CLEC16A: variants seen among roughly 807,000 people sequenced by gnomAD.
CLEC16A encodes the protein C-type lectin domain containing 16A, also known as protein CLEC16A.
A neutral mutation model predicts 109.5 loss-of-function variants in CLEC16A; 51 were observed. The observed-to-expected ratio is 0.47, with a 90% CI of 0.37 to 0.59. The LOEUF (loss-of-function observed/expected upper bound fraction) is 0.59, where lower values mean the gene tolerates loss of function less well. CLEC16A is among the 20% of genes least tolerant of loss of function. The pLI is 0.00. For missense variants in CLEC16A, 1,339 were observed against 1,394.0 expected (o/e 0.96, Z 0.63); for synonymous variants, 673 against 564.2 (o/e 1.19, Z -2.73).
chr16:10,967,052 A>G (rs893910194), intron 3 of CLEC16A, among the ~76,000 whole-genome samples: 23 of 152,256 alleles, frequency 1.5e-4, no homozygotes, highest in Non-Finnish European at 2.9e-4. Flanking sequence ...CTGCCTCAGT[A>G]GTGTTATGAG....
chr16:11,144,530 A>G (rs1006599680), intron 22 of CLEC16A, among the ~76,000 whole-genome samples: 3 of 152,158 alleles, frequency 2.0e-5, no homozygotes, highest in African/African-American at 7.2e-5. Context: ...AACAGTGCCT[A>G]GGTGCCCAGA....
intron 19 of CLEC16A, 147 bp from the exon 20 acceptor site, chr16:11,120,468 G>T: frequency 2.9e-6 from 2 of 688,492 alleles, no homozygotes; most frequent in Non-Finnish European, 4.4e-6. Flanking sequence ...TGTCAGAGAA[G>T]GGACTCAGAC....
In CLEC16A at chr16:11,003,175, C is replaced by T. The variant is rs74163612; in HGVS notation, c.1173C>T (p.Pro391=). Residue 391 remains proline, a synonymous_variant, in exon 11 of 24, where the codon CCC becomes CCT. Transcript: ENST00000409790. ...HKGKRRVQKR[P]NYKNVGEEED... ...GCAAGAGGCGGGTGCAAAAGAGACC[C>T]AACTACAAAAACGTTGGGGAAGAAG... The T allele has an allele frequency of 2.5e-6, 4 of 1,613,290 alleles. No homozygotes were observed. The highest frequency in any genetic ancestry group is 3.4e-6 in the Non-Finnish European group (4 of 1,179,852).
intron 11 of CLEC16A, among the ~76,000 whole-genome samples, chr16:11,016,014 C>G (rs1201162457): frequency 6.6e-6 from 1 of 152,200 alleles, no homozygotes; most frequent in Non-Finnish European, 1.5e-5. Flanking sequence ...TTAGTAAACA[C>G]AAGCAAACCT....
chr16:10,976,631 G>T (rs2043043602), intron 7 of CLEC16A, among the ~76,000 whole-genome samples: 2 of 152,154 alleles, frequency 1.3e-5, no homozygotes, highest in Non-Finnish European at 2.9e-5. Context: ...CTCCTTGGGG[G>T]TGGTGAAAGC....
At chr16:11,171,581 G>C (rs996945612) in intron 23 of CLEC16A, among the ~76,000 whole-genome samples, 4 of 152,202 alleles carry the variant, frequency 2.6e-5, no homozygotes, top group Non-Finnish European at 4.4e-5. Context: ...CCCCTAGTGA[G>C]AAAATTGCAG....
chr16:11,122,538 C>A (rs1270845116), intron 20 of CLEC16A, among the ~76,000 whole-genome samples: 1 of 152,106 alleles, frequency 6.6e-6, no homozygotes, highest in African/African-American at 2.4e-5. Flanking sequence ...ATACCAGACT[C>A]CCTGCTTTAA....
At chr16:11,033,470 C>T (rs1276862209) in intron 13 of CLEC16A, among the ~76,000 whole-genome samples, 2 of 152,236 alleles carry the variant, frequency 1.3e-5, no homozygotes, top group Admixed American at 6.5e-5. Context: ...GAAGCTGCCT[C>T]GTGGGGGAGC....
At chr16:11,109,764 C>T (rs1438915706) in intron 19 of CLEC16A, among the ~76,000 whole-genome samples, 1 of 152,216 alleles carries the variant, frequency 6.6e-6, no homozygotes, top group Non-Finnish European at 1.5e-5. Context: ...GCCTTTCCCT[C>T]AAGGGATCAG....
chr16:11,092,361 A>AACACACAC (rs3030566), intron 19 of CLEC16A, among the ~76,000 whole-genome samples: 6,201 of 132,436 alleles, frequency 0.047, 199 homozygotes, highest in South Asian at 0.084. Flanking sequence ...AACAAAAACA[A>AACACACAC]ACACACACAC....
At chr16:11,084,560 C>T (rs534299055) in intron 19 of CLEC16A, among the ~76,000 whole-genome samples, 63 of 152,284 alleles carry the variant, frequency 4.1e-4, no homozygotes, top group African/African-American at 1.3e-3. Flanking sequence ...GCCTGTAAAC[C>T]TCCTGGTCTG....
chr16:11,149,328 C>A (rs547300483), intron 22 of CLEC16A, among the ~76,000 whole-genome samples: 1 of 152,050 alleles, frequency 6.6e-6, no homozygotes, highest in East Asian at 1.9e-4. Context: ...AATACATGAA[C>A]GTAGAATATT....
intron 19 of CLEC16A, among the ~76,000 whole-genome samples, chr16:11,077,239 G>T (rs1462531827): frequency 2.0e-5 from 3 of 152,212 alleles, no homozygotes; most frequent in African/African-American, 7.2e-5. Context: ...GGAGGCTGAG[G>T]CGAGCGGATT....
At chr16:11,056,318 C>T (rs907238400) in intron 18 of CLEC16A, among the ~76,000 whole-genome samples, 4 of 152,128 alleles carry the variant, frequency 2.6e-5, no homozygotes, top group Non-Finnish European at 4.4e-5. Context: ...CCAGAGTAGA[C>T]GAGTGTGGCT....
At chr16:11,158,030 T>C (rs184140853) in intron 22 of CLEC16A, among the ~76,000 whole-genome samples, 80 of 152,064 alleles carry the variant, frequency 5.3e-4, no homozygotes, top group African/African-American at 1.9e-3. Flanking sequence ...CCAGACTTAG[T>C]CACCTCCCAG....
intron 11 of CLEC16A, among the ~76,000 whole-genome samples, chr16:11,018,838 C>T (rs893711204): frequency 7.3e-5 from 11 of 151,366 alleles, no homozygotes; most frequent in Admixed American, 7.2e-4. Context: ...GCCAGCCAGG[C>T]AGGGATGGCC....
At chr16:11,081,618 A>G (rs952769422) in intron 19 of CLEC16A, among the ~76,000 whole-genome samples, 4 of 152,100 alleles carry the variant, frequency 2.6e-5, no homozygotes, top group Non-Finnish European at 5.9e-5. Context: ...GGATTCCTCA[A>G]GCCATAGGGC....
intron 22 of CLEC16A, among the ~76,000 whole-genome samples, chr16:11,148,082 T>C (rs576080563): frequency 6.6e-5 from 10 of 152,334 alleles, no homozygotes; most frequent in African/African-American, 2.4e-4. Context: ...GAAATCTCTG[T>C]TGATTGTGGT....
rs150490389 is a variant in CLEC16A at position 11,136,552 on chromosome 16, A to G, written c.2641+10406A>G. On this transcript the variant is annotated intron_variant, in intron 22 of 23. Coordinates refer to ENST00000409790, the MANE Select transcript of CLEC16A (RefSeq NM_015226.3). ...TTCCTTTTCTACACATTAATCAATT[A>G]GCACGAACAAAATTACGAATGCAGT... is the stretch of plus-strand genomic sequence containing the variant. 1.7e-4 allele frequency among the ~76,000 whole-genome samples: 26 copies of G among 152,362 alleles called. No individual in the cohort carries two copies. In the East Asian group the frequency reaches 4.6e-3, roughly 27 times the overall value.
Sources: allele counts gnomAD v4.1 joint callset (sites outside exome capture counted in the v4.1 genomes callset), GRCh38; gene constraint gnomAD v4.1.1; transcripts MANE v1.5; gene names NCBI Gene and HGNC (gene_info 2026-07-23, HGNC 2026-07-21).